RELN: variants seen among roughly 807,000 people sequenced by gnomAD.
The protein encoded by RELN is reelin.
Under a neutral mutation model 427.6 loss-of-function variants are expected in RELN, and 108 were observed. The observed-to-expected ratio is 0.25, with a 90% CI of 0.22 to 0.30. The LOEUF is 0.30. RELN is among the 10% of genes least tolerant of loss of function. The probability of loss-of-function intolerance (pLI) is 1.00; values close to 1 mark genes in which losing one functional copy is unlikely to be tolerated. For missense variants in RELN, 3,715 were observed against 4,302.8 expected (o/e 0.86, Z 3.82); for synonymous variants, 1,524 against 1,513.4 (o/e 1.01, Z -0.16).
At position 103,596,504 on chromosome 7, in the gene RELN, T is replaced by C; in HGVS notation, c.3491A>G (p.Gln1164Arg). ...LLQYSNNGGI[Q>R]WHLLAEMYFS... Reference sequence around the variant, plus strand: ...GTACATCTCTGCTAGCAGGTGCCACTGGATGCCCCCATTGTTGCTGTACTG... The same window carrying C: ...GTACATCTCTGCTAGCAGGTGCCACCGGATGCCCCCATTGTTGCTGTACTG... The change falls in exon 25 of 65, where the codon CAG becomes CGG. Residue 1164 changes from glutamine to arginine, a missense_variant. Transcript: ENST00000428762. 1.9e-6 allele frequency: 3 copies of C among 1,614,046 alleles called. No individual in the cohort carries two copies. Among genetic ancestry groups the C allele is most frequent in the Non-Finnish European group, 2.5e-6 (3 of 1,179,936 alleles).
At chr7:103,666,763 G>A (rs1302072259) in intron 11 of RELN, among the ~76,000 whole-genome samples, 1 of 152,110 alleles carries the variant, frequency 6.6e-6, no homozygotes, top group Admixed American at 6.5e-5. Flanking sequence ...TGGGTGGAAT[G>A]AATGTGAATT....
chr7:103,641,569 G>T (rs371023650), intron 16 of RELN, among the ~76,000 whole-genome samples: 2 of 152,048 alleles, frequency 1.3e-5, no homozygotes, highest in South Asian at 2.1e-4. Context: ...TTCAAATTCT[G>T]GCTTCACTCA....
In RELN at chr7:103,594,358, T is replaced by C. The variant is rs780988277; in HGVS notation, c.3674A>G (p.Lys1225Arg). The change falls in exon 26 of 65, where the codon AAG becomes AGG. Residue 1225 changes from lysine (K) to arginine (R), a missense_variant. Lys to Arg is a conservative substitution (Grantham distance 26). This residue lies in a region of RELN where 2,208 missense variants were observed against 2,361.7 expected (regional missense o/e 0.93). Transcript: ENST00000428762. ...TGGATTGATAACTGGGATGATCTGCTTCTGCTTCTCGGACAGAATGATGAT... is the reference window on the plus strand; with the variant it reads ...TGGATTGATAACTGGGATGATCTGCCTCTGCTTCTCGGACAGAATGATGAT... ...DDIIILSEKQKQIIPVINPTL... is the reference protein window; with the variant it reads ...DDIIILSEKQRQIIPVINPTL... 6 of 1,614,036 alleles carry C rather than the reference T, an allele frequency of 3.7e-6. No individual in the cohort carries two copies. The highest frequency in any genetic ancestry group is 5.1e-6 in the Non-Finnish European group (6 of 1,179,902).
At chr7:103,843,502 C>T (rs550670722) in intron 2 of RELN, among the ~76,000 whole-genome samples, 5 of 152,286 alleles carry the variant, frequency 3.3e-5, no homozygotes, top group Non-Finnish European at 7.4e-5. Flanking sequence ...TCTGGGAAGA[C>T]ATGTGTCCTG....
At chr7:103,920,709 G>GA (rs1205501993) in intron 1 of RELN, among the ~76,000 whole-genome samples, 3 of 151,766 alleles carry the variant, frequency 2.0e-5, no homozygotes, top group Non-Finnish European at 4.4e-5. Context: ...GGGTATCTGT[G>GA]ACTATAGGGG....
chr7:103,719,487 T>C (rs1228552567), intron 8 of RELN, among the ~76,000 whole-genome samples: 1 of 152,188 alleles, frequency 6.6e-6, no homozygotes, highest in Non-Finnish European at 1.5e-5. Flanking sequence ...TGCCTTCTAC[T>C]ACATTGTTAA....
At position 103,845,553 on chromosome 7, in the gene RELN, C is replaced by T. The variant is rs112926954; in HGVS notation, c.338-11881G>A. Among the ~76,000 whole-genome samples the T allele has an allele frequency of 1.1e-4, 16 of 152,282 alleles. 1 individual carries two copies. The highest frequency in any genetic ancestry group is 3.9e-4 in the African/African-American group (16 of 41,558). On this transcript the variant is annotated intron_variant, in intron 2 of 64. Coordinates refer to ENST00000428762, the MANE Select transcript of RELN (RefSeq NM_005045.4). ...CATATCTGTAAAGTGATCTGTCACC[C>T]ATTTAGTTCATGACAGTGTTCTCAA...
intron 3 of RELN, among the ~76,000 whole-genome samples, chr7:103,788,123 C>T (rs1320412376): frequency 1.2e-4 from 19 of 152,108 alleles, no homozygotes; most frequent in Admixed American, 5.9e-4. Context: ...AAAAGGGCTT[C>T]GATAAAATTT....
At chr7:103,495,173 T>A (rs1482683589) in intron 57 of RELN, among the ~76,000 whole-genome samples, 1 of 135,098 alleles carries the variant, frequency 7.4e-6, no homozygotes, top group Non-Finnish European at 1.5e-5. Context: ...TAAAAGTAAT[T>A]CCTTTTTTTT....
intron 1 of RELN, among the ~76,000 whole-genome samples, chr7:103,967,192 G>T (rs1242997153): frequency 6.6e-6 from 1 of 152,094 alleles, no homozygotes; most frequent in Non-Finnish European, 1.5e-5. Flanking sequence ...TCTAACCCAT[G>T]GAGACCAATT....
chr7:103,635,695 C>G (rs1388379961), intron 18 of RELN, 109 bp from the exon 19 acceptor site: 8 of 871,198 alleles, frequency 9.2e-6, no homozygotes, highest in Non-Finnish European at 1.5e-5. Context: ...CCCTCTTTTA[C>G]AAAATGTTAA....
chr7:103,746,380 C>A (rs1416909202), intron 6 of RELN, among the ~76,000 whole-genome samples: 2 of 152,048 alleles, frequency 1.3e-5, no homozygotes. Context: ...GTCTAAAACA[C>A]CAAAAGCAAT....
chr7:103,983,860 T>G (rs1401238509), intron 1 of RELN, among the ~76,000 whole-genome samples: 1 of 99,970 alleles, frequency 1.0e-5, no homozygotes, highest in African/African-American at 4.6e-5. Context: ...GAACTTCATA[T>G]TTCTGTGTGT....
chr7:103,815,446 C>T (rs908347879), intron 3 of RELN, among the ~76,000 whole-genome samples: 1 of 152,032 alleles, frequency 6.6e-6, no homozygotes, highest in Admixed American at 6.6e-5. Context: ...ATGCATGAAA[C>T]AAAAAGTAAG....
chr7:103,770,235 C>T (rs1418913836), intron 4 of RELN, among the ~76,000 whole-genome samples: 1 of 152,146 alleles, frequency 6.6e-6, no homozygotes, highest in East Asian at 1.9e-4. Context: ...CAGGCATGTG[C>T]CATCACGCCC....
At chr7:103,956,298 A>T (rs1201963748) in intron 1 of RELN, among the ~76,000 whole-genome samples, 1 of 152,216 alleles carries the variant, frequency 6.6e-6, no homozygotes, top group South Asian at 2.1e-4. Flanking sequence ...TGAAATGAAT[A>T]GCTTTCCTGA....
intron 46 of RELN, among the ~76,000 whole-genome samples, chr7:103,530,875 T>C (rs1040141164): frequency 2.6e-5 from 4 of 152,210 alleles, no homozygotes; most frequent in African/African-American, 7.2e-5. Context: ...CACTAAATTA[T>C]ATAGAGCAGG....
chr7:103,952,387 C>G (rs545340150), intron 1 of RELN, among the ~76,000 whole-genome samples: 2 of 152,280 alleles, frequency 1.3e-5, no homozygotes, highest in African/African-American at 2.4e-5. Context: ...TTTTAAATAA[C>G]TTTACTTAAA....
chr7:103,976,188 T>C, intron 1 of RELN, among the ~76,000 whole-genome samples: 1 of 152,190 alleles, frequency 6.6e-6, no homozygotes. Flanking sequence ...ATAGCTAGAA[T>C]GACTATATAA....
Sources: gnomAD v4.1 joint callset for allele counts (sites outside exome capture counted in the v4.1 genomes callset) on GRCh38, gnomAD v4.1.1 for gene constraint, gnomAD v4.1.1 regional missense constraint, MANE v1.5 for transcripts, NCBI Gene and HGNC (gene_info 2026-07-23, HGNC 2026-07-21) for gene names.